TRIM38: variants seen among roughly 807,000 people sequenced by gnomAD.
The protein encoded by TRIM38 is tripartite motif containing 38.
Under a neutral mutation model 35.8 loss-of-function variants are expected in TRIM38, and 35 were observed. That is an observed-to-expected ratio of 0.98 (90% CI 0.75 to 1.30). The LOEUF (loss-of-function observed/expected upper bound fraction) is 1.30, where lower values mean the gene tolerates loss of function less well. Ranked by LOEUF, TRIM38 falls within the 50% of genes most tolerant of loss-of-function variation. TRIM38 has a pLI of 0.00. For synonymous variants in TRIM38, 198 were observed against 204.7 expected, an observed-to-expected ratio of 0.97 and a Z score of 0.28; for missense variants, 545 against 556.9, an observed-to-expected ratio of 0.98 and a Z score of 0.21.
Position 25,973,244 on chromosome 6 carries a change from A to G in TRIM38, c.833A>G (p.Lys278Arg). ...CTTCATACTATGTGCAATGTTTCCAAGCTTTACTTCGATGTGAAGAAAATG... is the reference window on the plus strand; with the variant it reads ...CTTCATACTATGTGCAATGTTTCCAGGCTTTACTTCGATGTGAAGAAAATG... ...LELHTMCNVS[K>R]LYFDVKKMLR... Residue 278 changes from lysine to arginine, a missense_variant, in exon 7 of 8, where the codon AAG becomes AGG. Coordinates refer to ENST00000357085, the MANE Select transcript of TRIM38 (RefSeq NM_006355.5). 1.2e-6 allele frequency: 2 copies of G among 1,614,140 alleles called. No individual in the cohort carries two copies. The highest frequency in any genetic ancestry group is 1.7e-6 in the Non-Finnish European group (2 of 1,180,032).
In TRIM38 at chr6:25,966,539, G is replaced by A; in HGVS notation, c.17G>A (p.Ser6Asn). The A allele has an allele frequency of 6.2e-7, 1 of 1,610,058 alleles. No homozygotes were observed. The highest frequency in any genetic ancestry group is 8.5e-7 in the Non-Finnish European group (1 of 1,177,314). The change falls in exon 3 of 8, where the codon AGC (serine) becomes AAC (asparagine). Residue 6 changes from serine to asparagine, a missense_variant. By Grantham distance (46) the Ser-to-Asn change is conservative (BLOSUM62 1). Coordinates refer to ENST00000357085, the MANE Select transcript of TRIM38 (RefSeq NM_006355.5). ...ATAAAAGCTATGGCCTCAACCACCA[G>A]CACCAAGAAGATGATGGAGGAAGCC... MASTTSTKKMMEEATC... is the reference protein window; with the variant it reads MASTTNTKKMMEEATC...
At chr6:25,974,748 T>A in intron 7 of TRIM38, 1 of 305,724 alleles carries the variant, frequency 3.3e-6, no homozygotes, top group Non-Finnish European at 4.8e-6. Context: ...GTATATGCAT[T>A]TTTTTGCCTT....
intron 7 of TRIM38, chr6:25,973,739 G>A: frequency 4.1e-6 from 4 of 985,362 alleles, no homozygotes; most frequent in Middle Eastern, 5.2e-4. Flanking sequence ...AGAAAAGTAG[G>A]TGAGTATGAT....
chr6:25,979,067 AATAC>A (rs750822539), intron 7 of TRIM38, among the ~76,000 whole-genome samples: 6 of 152,216 alleles, frequency 3.9e-5, no homozygotes, highest in Non-Finnish European at 7.4e-5. Flanking sequence ...TATATTGTAA[AATAC>A]ATACACTATA....
Position 25,966,851 on chromosome 6 carries a change from T to C in TRIM38, c.329T>C (p.Leu110Pro). The C allele has an allele frequency of 6.2e-7, 1 of 1,614,138 alleles. No individual in the cohort carries two copies. The highest frequency in any genetic ancestry group is 1.1e-5 in the South Asian group (1 of 91,072). Residue 110 changes from leucine to proline, a missense_variant, in exon 3 of 8, where the codon CTC becomes CCC. Transcript: ENST00000357085. ...FHLFCEDEGQ[L>P]ICWRCERAPQ... ...CTGTTCTGCGAAGACGAGGGGCAGCTCATCTGCTGGCGCTGTGAGCGGGCA... is the reference window on the plus strand; with the variant it reads ...CTGTTCTGCGAAGACGAGGGGCAGCCCATCTGCTGGCGCTGTGAGCGGGCA...
At chr6:25,965,729 C>G (rs772303308) in intron 2 of TRIM38, among the ~76,000 whole-genome samples, 127 of 78,566 alleles carry the variant, frequency 1.6e-3, no homozygotes, top group Admixed American at 7.1e-3. Context: ...ATCGAGCCAA[C>G]CAACATGGTG....
At chr6:25,982,882 T>C (rs1760594842) in intron 7 of TRIM38, among the ~76,000 whole-genome samples, 2 of 151,836 alleles carry the variant, frequency 1.3e-5, no homozygotes, top group South Asian at 2.1e-4. Context: ...AGGTCAGGAG[T>C]TTGAGACCAG....
chr6:25,986,148 C>A lies in TRIM38; in HGVS notation c.*2461C>A, dbSNP rs186596843. 6.6e-6 allele frequency: 1 copy of A among 152,134 alleles called. No homozygotes were observed. Among genetic ancestry groups the A allele is most frequent in the Admixed American group, 6.5e-5 (1 of 15,272 alleles). 9.4% of individuals were successfully genotyped at this position (152,134 alleles called of 1,614,324 possible). On this transcript the variant is annotated 3_prime_UTR_variant, in exon 8 of 8. Transcript: ENST00000357085. ...AATTAGATGCAAATAAATTTGAAAA[C>A]CTTTAAAAAGAAACCAATGGCCTAA...
At chr6:25,972,669 A>G (rs908406084) in intron 5 of TRIM38, among the ~76,000 whole-genome samples, 2 of 152,174 alleles carry the variant, frequency 1.3e-5, no homozygotes, top group Admixed American at 1.3e-4. Context: ...CAGATTCACC[A>G]CTAAGGACCT....
intron 3 of TRIM38, among the ~76,000 whole-genome samples, chr6:25,967,703 A>C (rs565632988): frequency 1.3e-4 from 19 of 151,158 alleles, no homozygotes; most frequent in African/African-American, 4.6e-4. Flanking sequence ...TACCTGGATA[A>C]TTTTTTTATT....
At position 25,990,634 on chromosome 6, in the gene TRIM38, TATA is replaced by T. The variant is rs1760811851; in HGVS notation, c.*6955_*6957del. The T allele has an allele frequency of 6.6e-6, 1 of 151,788 alleles. No homozygotes were observed. The highest frequency in any genetic ancestry group is 6.6e-5 in the Admixed American group (1 of 15,260). The allele number at this position is 151,788 out of a possible 1,614,324, so 9.4% of individuals were successfully genotyped here. On this transcript the variant is annotated 3_prime_UTR_variant, in exon 8 of 8. Transcript: ENST00000357085. ...ACTTATTTTTAATTCTAAAATAATT[TATA>T]ATAATAAATATTAACAATTAGATTT...
At chr6:25,969,554 C>A in intron 4 of TRIM38, 134 bp downstream of exon 4, 1 of 667,700 alleles carries the variant, frequency 1.5e-6, no homozygotes, top group Non-Finnish European at 2.4e-6. Context: ...AAGGAAGAAA[C>A]CATTATTTGT....
In TRIM38 at chr6:25,988,939, A is replaced by C. The variant is rs1452089984; in HGVS notation, c.*5252A>C. On this transcript the variant is annotated 3_prime_UTR_variant, in exon 8 of 8. Coordinates refer to ENST00000357085, the MANE Select transcript of TRIM38 (RefSeq NM_006355.5). ...AAATACTAAGGAGTGTGATTGGTGA[A>C]TCTTATGGTAAAAGTATGGTTACTT... 6.6e-6 allele frequency: 1 copy of C among 152,180 alleles called. No homozygotes were observed. The highest frequency in any genetic ancestry group is 1.5e-5 in the Non-Finnish European group (1 of 68,036). The allele number at this position is 152,180 out of a possible 1,614,324, so 9.4% of individuals were successfully genotyped here.
In TRIM38 at chr6:25,983,911, A is replaced by T. The variant is rs1471530939; in HGVS notation, c.*224A>T. ...ACTGGGGCAAAGCAAGATAATAGTG[A>T]TGATCGTATGTTGCTGTCTCCATCC... is the stretch of plus-strand genomic sequence containing the variant. On this transcript the variant is annotated 3_prime_UTR_variant, in exon 8 of 8. Coordinates refer to ENST00000357085, the MANE Select transcript of TRIM38 (RefSeq NM_006355.5). 6.7e-5 allele frequency: 32 copies of T among 480,688 alleles called. No homozygotes were observed. In the South Asian group the frequency reaches 7.8e-4, roughly 12 times the overall value. 29.8% of individuals were successfully genotyped at this position (480,688 alleles called of 1,614,324 possible).
At chr6:25,972,942 A>G in intron 5 of TRIM38, 112 bp from the exon 6 acceptor site, 13 of 1,368,256 alleles carry the variant, frequency 9.5e-6, no homozygotes, top group Non-Finnish European at 1.3e-5. Context: ...GACTAAGACT[A>G]GGGTAACTCT....
chr6:25,966,272 G>A, intron 2 of TRIM38, 63 bp from the exon 3 acceptor site: 1 of 419,654 alleles, frequency 2.4e-6, no homozygotes, highest in Non-Finnish European at 4.2e-6. Flanking sequence ...TTGAAACTCT[G>A]CACTTGGGTT....
chr6:25,966,536 C>T lies in TRIM38; in HGVS notation c.14C>T (p.Thr5Ile). Reference protein sequence around the residue: MASTTSTKKMMEEAT... With the variant: MASTISTKKMMEEAT... ...TCAATAAAAGCTATGGCCTCAACCA[C>T]CAGCACCAAGAAGATGATGGAGGAA... is the stretch of plus-strand genomic sequence containing the variant. The change falls in exon 3 of 8, where the codon ACC becomes ATC. Residue 5 changes from threonine to isoleucine, a missense_variant. Physicochemically the swap from Thr to Ile is moderately conservative, Grantham distance 89. Coordinates refer to ENST00000357085, the MANE Select transcript of TRIM38 (RefSeq NM_006355.5). 6.2e-7 allele frequency: 1 copy of T among 1,608,264 alleles called. No individual in the cohort carries two copies. The highest frequency in any genetic ancestry group is 8.5e-7 in the Non-Finnish European group (1 of 1,176,162).
rs1053591708 is a variant in TRIM38, at chr6:25,990,552, C to T, written c.*6865C>T. On this transcript the variant is annotated 3_prime_UTR_variant, in exon 8 of 8. Coordinates refer to ENST00000357085, the MANE Select transcript of TRIM38 (RefSeq NM_006355.5). ...CTACTGGGCTCAAGCAATCCTCCCA[C>T]CTTAGCCTCCCAAAGTGTTGGGATT... 1 of 152,168 alleles carries T rather than the reference C, an allele frequency of 6.6e-6. No homozygotes were observed. The highest frequency in any genetic ancestry group is 1.9e-4 in the East Asian group (1 of 5,196). 9.4% of individuals were successfully genotyped at this position (152,168 alleles called of 1,614,324 possible).
chr6:25,978,963 T>C (rs537850787), intron 7 of TRIM38, among the ~76,000 whole-genome samples: 2 of 152,184 alleles, frequency 1.3e-5, no homozygotes, highest in Non-Finnish European at 2.9e-5. Flanking sequence ...TCACTGTGCC[T>C]GGCCTGATTA....
Sources: gnomAD v4.1 joint callset for allele counts (sites outside exome capture counted in the v4.1 genomes callset) on GRCh38, gnomAD v4.1.1 for gene constraint, MANE v1.5 for transcripts, NCBI Gene and HGNC (gene_info 2026-07-23, HGNC 2026-07-21) for gene names.